The following TFCP2L1 variants were observed in gnomAD, a reference collection of about 807,000 sequenced individuals.
TFCP2L1 encodes the protein transcription factor CP2 like 1.
TFCP2L1 carries 12 observed loss-of-function variants against 72.2 expected under a neutral mutation model. The ratio of observed to expected loss-of-function variants is 0.17; its 90% CI spans 0.11 to 0.27. TFCP2L1 has a LOEUF of 0.27. Ranked by LOEUF, TFCP2L1 falls within the 10% of genes least tolerant of loss-of-function variation. The pLI, the probability that TFCP2L1 is intolerant of heterozygous loss-of-function variation, is 1.00. For missense variants in TFCP2L1, 488 were observed against 624.6 expected (o/e 0.78, Z 2.33); for synonymous variants, 260 against 251.0 (o/e 1.04, Z -0.34).
At chr2:121,224,408 G>T in intron 14 of TFCP2L1, 21 bp from the exon 15 acceptor site, 1 of 1,613,012 alleles carries the variant, frequency 6.2e-7, no homozygotes, top group Non-Finnish European at 8.5e-7. Context: ...GAAACACTGG[G>T]TGTATTTCAC....
chr2:121,233,331 C>T lies in TFCP2L1; in HGVS notation c.1198+760G>A, dbSNP rs559266180. On this transcript the variant is annotated intron_variant, in intron 12 of 14. Coordinates refer to ENST00000263707, the MANE Select transcript of TFCP2L1 (RefSeq NM_014553.3). ...GATTCTCCTGCCTCAGCTGGGATTA[C>T]AGGTGTGACCATGCATGGCTAATTT... 3.3e-5 allele frequency among the ~76,000 whole-genome samples: 5 copies of T among 152,288 alleles called. No homozygotes were observed. The South Asian group carries it at 6.2e-4, about 19-fold the overall frequency.
In TFCP2L1 at chr2:121,242,345, C is replaced by A; in HGVS notation, c.768+14G>T. ...GACCCTTGGAGGCTCTGTCCCCGCA[C>A]CCAGCCGGCTCACCTCTGTGAGGAT... On this transcript the variant is annotated intron_variant, in intron 7 of 14. Coordinates refer to ENST00000263707, the MANE Select transcript of TFCP2L1 (RefSeq NM_014553.3). The A allele has an allele frequency of 6.2e-7, 1 of 1,612,374 alleles. No homozygotes were observed. Among genetic ancestry groups the A allele is most frequent in the East Asian group, 2.2e-5 (1 of 44,872 alleles).
rs1686148100 is a variant in TFCP2L1, at chr2:121,231,790, G to A, written c.1341+36C>T. The A allele has an allele frequency of 5.0e-6, 8 of 1,607,088 alleles. No homozygotes were observed. The African/African-American group carries it at 6.7e-5, about 13-fold the overall frequency. On this transcript the variant is annotated intron_variant, in intron 13 of 14. Coordinates refer to ENST00000263707, the MANE Select transcript of TFCP2L1 (RefSeq NM_014553.3). ...TCTGACACTCCTCCCGTGGCCCAGA[G>A]CCCGTTGTCGGGGCAGGCCAGGCAG...
chr2:121,273,674 T>A (rs1012217234), intron 2 of TFCP2L1, among the ~76,000 whole-genome samples: 3 of 152,186 alleles, frequency 2.0e-5, no homozygotes, highest in African/African-American at 7.2e-5. Context: ...ATCTTTTCCA[T>A]GTTTTCAGAG....
At chr2:121,257,927 G>C (rs1686759780) in intron 2 of TFCP2L1, among the ~76,000 whole-genome samples, 1 of 152,038 alleles carries the variant, frequency 6.6e-6, no homozygotes, top group Non-Finnish European at 1.5e-5. Flanking sequence ...GGAAAGCTCT[G>C]AGAACCGGCC....
chr2:121,282,319 T>TAAAA (rs539101704), intron 1 of TFCP2L1, among the ~76,000 whole-genome samples: 4 of 86,256 alleles, frequency 4.6e-5, no homozygotes, highest in Admixed American at 1.4e-4. Flanking sequence ...CTCTCCACAT[T>TAAAA]AAAAAAAAAA....
Position 121,232,029 on chromosome 2 carries a change from C to T in TFCP2L1, c.1199-61G>A, listed in dbSNP as rs187710588. On this transcript the variant is annotated intron_variant, in intron 12 of 14. Coordinates refer to ENST00000263707, the MANE Select transcript of TFCP2L1 (RefSeq NM_014553.3). ...GGCCATTCTGTCAGTGTGAGCCTCC[C>T]ACCCGCCCTGAGAAAGCAGTAAGTC... The T allele has an allele frequency of 2.2e-4, 337 of 1,518,346 alleles. 2 individuals carry two copies. In the Middle Eastern group the frequency reaches 3.4e-3, roughly 15 times the overall value. 94.1% of individuals were successfully genotyped at this position (1,518,346 alleles called of 1,614,324 possible). A position where few individuals can be genotyped will look rare whatever the true frequency, so the allele number is the denominator to read the frequency against.
chr2:121,223,499 T>C lies in TFCP2L1; in HGVS notation c.*842A>G, dbSNP rs1192752952. The C allele has an allele frequency of 6.6e-6, 1 of 152,220 alleles. No homozygotes were observed. The highest frequency in any genetic ancestry group is 2.4e-5 in the African/African-American group (1 of 41,448). 9.4% of individuals were successfully genotyped at this position (152,220 alleles called of 1,614,324 possible). ...TATTGTGGTGGTCAAGGTCATCTGA[T>C]GACACCTAGGAATGGAATACTCATT... On this transcript the variant is annotated 3_prime_UTR_variant, in exon 15 of 15. Coordinates refer to ENST00000263707, the MANE Select transcript of TFCP2L1 (RefSeq NM_014553.3).
rs373587777 is a variant in TFCP2L1 at position 121,224,518 on chromosome 2, G to A, written c.1394-131C>T. ...AAAATAGGGCTGCATACAGCAAAGC[G>A]TGCTGGCAGAAGCAGGGATCTCACA... On this transcript the variant is annotated intron_variant, in intron 14 of 14. Coordinates refer to ENST00000263707, the MANE Select transcript of TFCP2L1 (RefSeq NM_014553.3). 8.9e-4 allele frequency: 736 copies of A among 829,024 alleles called. 13 individuals carry two copies. In the South Asian group the frequency reaches 0.011, roughly 12 times the overall value. 51.4% of individuals were successfully genotyped at this position (829,024 alleles called of 1,614,324 possible).
Position 121,234,155 on chromosome 2 carries a change from C to T in TFCP2L1, c.1134G>A (p.Glu378=), listed in dbSNP as rs745465436. 20 of 1,614,078 alleles carry T rather than the reference C, an allele frequency of 1.2e-5. No individual in the cohort carries two copies. The highest frequency in any genetic ancestry group is 2.7e-5 in the African/African-American group (2 of 74,938). Residue 378 remains glutamate (E), a synonymous_variant, in exon 12 of 15, where the codon GAG becomes GAA. Transcript: ENST00000263707. ...GCAGGGGCACTCGATTCTGCTCCAG[C>T]TCCTGACAGACATAAATGGTCATCT... ...RPKMTIYVCQ[E]LEQNRVPLQQ...
intron 1 of TFCP2L1, among the ~76,000 whole-genome samples, chr2:121,282,963 G>A (rs750068362): frequency 7.2e-5 from 11 of 152,152 alleles, no homozygotes; most frequent in South Asian, 2.1e-4. Flanking sequence ...GTGCAAGGCC[G>A]TCTCGACTTT....
rs1686222497 is a variant in TFCP2L1 at position 121,235,287 on chromosome 2, C to T, written c.1028G>A (p.Arg343Gln). ...ACCACAGATCTGGACCAAATCATCT[C>T]GGGACATCTTCAGCAAGTCAGCACC... is the stretch of plus-strand genomic sequence containing the variant. ...FSGADLLKMS[R>Q]DDLVQICGPA... is the part of the protein sequence containing the mutation. Residue 343 changes from arginine to glutamine, a missense_variant, in exon 11 of 15, where the codon CGA becomes CAA. Coordinates refer to ENST00000263707, the MANE Select transcript of TFCP2L1 (RefSeq NM_014553.3). 1.9e-6 allele frequency: 3 copies of T among 1,614,090 alleles called. No individual in the cohort carries two copies. The highest frequency in any genetic ancestry group is 2.5e-6 in the Non-Finnish European group (3 of 1,180,022).
At chr2:121,268,441 C>T (rs1686977765) in intron 2 of TFCP2L1, among the ~76,000 whole-genome samples, 1 of 152,006 alleles carries the variant, frequency 6.6e-6, no homozygotes, top group Non-Finnish European at 1.5e-5. Flanking sequence ...ACAGCCTCAA[C>T]CTCCTGGGCT....
intron 2 of TFCP2L1, among the ~76,000 whole-genome samples, chr2:121,264,986 G>A (rs1342301477): frequency 6.6e-6 from 1 of 152,092 alleles, no homozygotes; most frequent in African/African-American, 2.4e-5. Flanking sequence ...ATATAACCAA[G>A]AGAAATGCAA....
rs1573382043 is a variant in TFCP2L1 at position 121,256,558 on chromosome 2, C to T, written c.215-6911G>A. ...TTTGGGAGGCCGAGGTGGGAGATCA[C>T]CTGAAGCCAGGAGTTCGAAACCATC... On this transcript the variant is annotated intron_variant, in intron 2 of 14. Transcript: ENST00000263707. Among the ~76,000 whole-genome samples, 4 of 152,130 alleles carry T rather than the reference C, an allele frequency of 2.6e-5. No individual in the cohort carries two copies. The South Asian group carries it at 8.3e-4, about 32-fold the overall frequency.
At chr2:121,282,721 G>A (rs1190952812) in intron 1 of TFCP2L1, among the ~76,000 whole-genome samples, 1 of 152,052 alleles carries the variant, frequency 6.6e-6, no homozygotes, top group Non-Finnish European at 1.5e-5. Flanking sequence ...TCCCTTCGTG[G>A]GTCCCTGACT....
intron 8 of TFCP2L1, 90 bp from the exon 9 acceptor site, chr2:121,237,940 C>A: frequency 7.4e-7 from 1 of 1,347,630 alleles, no homozygotes; most frequent in East Asian, 2.4e-5. Context: ...CTTTTACTTC[C>A]TATCAGATGC....
At position 121,237,861 on chromosome 2, in the gene TFCP2L1, A is replaced by G. The variant is rs989822328; in HGVS notation, c.861-11T>C. 1.2e-6 allele frequency: 2 copies of G among 1,613,804 alleles called. No homozygotes were observed. The highest frequency in any genetic ancestry group is 2.7e-5 in the African/African-American group (2 of 74,922). On this transcript the variant is annotated splice_polypyrimidine_tract_variant and intron_variant, in intron 8 of 14. Transcript: ENST00000263707. ...GTCGGAGAGGCGTTGCTGCAAGGAAAAGGAACCAGTGATGAGGACAGAGGG... is the reference window on the plus strand; with the variant it reads ...GTCGGAGAGGCGTTGCTGCAAGGAAGAGGAACCAGTGATGAGGACAGAGGG...
intron 2 of TFCP2L1, among the ~76,000 whole-genome samples, chr2:121,251,186 G>A (rs1270792318): frequency 6.6e-6 from 1 of 151,834 alleles, no homozygotes; most frequent in Admixed American, 6.6e-5. Flanking sequence ...AACCCGGGAG[G>A]CAGAGGTTGC....
Sources: gnomAD v4.1 joint callset for allele counts (sites outside exome capture counted in the v4.1 genomes callset) on GRCh38, gnomAD v4.1.1 for gene constraint, MANE v1.5 for transcripts, NCBI Gene and HGNC (gene_info 2026-07-23, HGNC 2026-07-21) for gene names.